Variants in EIPR1 observed in about 807,000 individuals in gnomAD.
EIPR1 encodes the protein EARP complex and GARP complex interacting protein 1.
A neutral mutation model predicts 48.1 loss-of-function variants in EIPR1; 25 were observed. The observed-to-expected ratio is 0.52, with a 90% CI of 0.38 to 0.73. The LOEUF (loss-of-function observed/expected upper bound fraction) is 0.73, where lower values mean the gene tolerates loss of function less well. Ranked by LOEUF, EIPR1 falls within the 30% of genes least tolerant of loss-of-function variation. The pLI is 0.00. For missense variants in EIPR1, 415 were observed against 506.2 expected, an observed-to-expected ratio of 0.82 and a Z score of 1.73; for synonymous variants, 204 against 201.9, an observed-to-expected ratio of 1.01 and a Z score of -0.09.
chr2:3,229,914 A>G (rs1666187421), intron 4 of EIPR1, among the ~76,000 whole-genome samples: 1 of 152,242 alleles, frequency 6.6e-6, no homozygotes, highest in South Asian at 2.1e-4. Context: ...TGTGCTATAG[A>G]TAAATACAAA....
In EIPR1 at chr2:3,355,222, C is replaced by T. The variant is rs145934133; in HGVS notation, c.43-589G>A. ...AGCCTGGCTGATAGGCTGATGCTGA[C>T]GAGAGCTTTGACAGACTCGTGGAGC... On this transcript the variant is annotated intron_variant, in intron 1 of 8. Transcript: ENST00000382125. Among the ~76,000 whole-genome samples the T allele has an allele frequency of 4.2e-4, 64 of 152,304 alleles. 2 individuals are homozygous for T. The East Asian group carries it at 0.01, about 24-fold the overall frequency.
intron 4 of EIPR1, among the ~76,000 whole-genome samples, chr2:3,215,064 C>T (rs1665584767): frequency 1.3e-5 from 2 of 152,216 alleles, no homozygotes; most frequent in African/African-American, 4.8e-5. Context: ...CTGGACTTCC[C>T]GCCCCAGGAA....
intron 4 of EIPR1, among the ~76,000 whole-genome samples, chr2:3,222,072 G>A (rs879943065): frequency 1.1e-4 from 17 of 151,926 alleles, no homozygotes; most frequent in Non-Finnish European, 1.8e-4. Flanking sequence ...ATTCAAAGCC[G>A]AATCAAACAT....
intron 4 of EIPR1, among the ~76,000 whole-genome samples, chr2:3,220,915 A>G (rs1427672867): frequency 6.7e-6 from 1 of 148,788 alleles, no homozygotes; most frequent in African/African-American, 2.5e-5. Context: ...CATGCACACA[A>G]TGGCCATGGT....
chr2:3,301,277 C>A (rs1471701347), intron 3 of EIPR1: 1 of 152,228 alleles, frequency 6.6e-6, no homozygotes, highest in East Asian at 1.9e-4. Flanking sequence ...AACAAACACA[C>A]ATCTTCTTTC....
intron 4 of EIPR1, among the ~76,000 whole-genome samples, chr2:3,252,616 T>C (rs757303974): frequency 2.0e-5 from 3 of 151,806 alleles, no homozygotes; most frequent in Non-Finnish European, 4.4e-5. Flanking sequence ...AACAAAAAAT[T>C]GGGCAAAATG....
chr2:3,249,449 A>ACAATC (rs1666940070), intron 4 of EIPR1, among the ~76,000 whole-genome samples: 1 of 152,220 alleles, frequency 6.6e-6, no homozygotes, highest in Admixed American at 6.5e-5. Context: ...CTAACAGCCT[A>ACAATC]CAATCAGATA....
intron 2 of EIPR1, among the ~76,000 whole-genome samples, chr2:3,342,068 T>A (rs1350505492): frequency 6.6e-6 from 1 of 152,220 alleles, no homozygotes; most frequent in East Asian, 1.9e-4. Context: ...TTTGTTATAA[T>A]ATGTAAATAA....
intron 2 of EIPR1, 112 bp from the exon 3 acceptor site, chr2:3,338,261 CT>C: frequency 7.8e-7 from 1 of 1,276,388 alleles, no homozygotes; most frequent in Non-Finnish European, 1.1e-6. Flanking sequence ...ACAGATACAT[CT>C]TTAGTTAATT....
intron 3 of EIPR1, among the ~76,000 whole-genome samples, chr2:3,269,499 G>A (rs1464982041): frequency 4.5e-5 from 6 of 132,562 alleles, no homozygotes; most frequent in African/African-American, 1.2e-4. Flanking sequence ...CTCAATCATC[G>A]CACTCAATCA....
chr2:3,239,011 G>C (rs1244795374), intron 4 of EIPR1, among the ~76,000 whole-genome samples: 2 of 152,254 alleles, frequency 1.3e-5, no homozygotes, highest in Admixed American at 6.5e-5. Context: ...CCTGGAAGGG[G>C]AGAGCATGTT....
At chr2:3,306,780 G>A (rs976709739) in intron 3 of EIPR1, among the ~76,000 whole-genome samples, 1 of 152,138 alleles carries the variant, frequency 6.6e-6, no homozygotes, top group African/African-American at 2.4e-5. Context: ...TGGTCTTGCT[G>A]CCTCAGGGGC....
chr2:3,282,866 C>G (rs1434906077), intron 3 of EIPR1: 2 of 152,218 alleles, frequency 1.3e-5, no homozygotes, highest in African/African-American at 4.8e-5. Context: ...AATGACTACG[C>G]CACTCTCACC....
Position 3,238,056 on chromosome 2 carries a change from G to A in EIPR1, c.416+19243C>T, listed in dbSNP as rs192976940. ...CCCAAATGCCAACAGCCTCCCTCAC[G>A]AAAACCGTAAAAGCTTCTTGAAAAT... On this transcript the variant is annotated intron_variant, in intron 4 of 8. Coordinates refer to ENST00000382125, the MANE Select transcript of EIPR1 (RefSeq NM_003310.5). Among the ~76,000 whole-genome samples the A allele has an allele frequency of 1.2e-3, 180 of 152,132 alleles. 1 individual carries two copies. The highest frequency in any genetic ancestry group is 2.0e-3 in the Non-Finnish European group (135 of 68,006).
At chr2:3,199,923 G>A (rs541531769) in intron 5 of EIPR1, among the ~76,000 whole-genome samples, 1 of 129,660 alleles carries the variant, frequency 7.7e-6, no homozygotes, top group African/African-American at 2.9e-5. Context: ...GGGCACACAT[G>A]GGGGGGTGTC....
intron 1 of EIPR1, among the ~76,000 whole-genome samples, chr2:3,369,500 A>AC (rs1303287640): frequency 6.6e-6 from 1 of 152,160 alleles, no homozygotes; most frequent in African/African-American, 2.4e-5. Context: ...GGGGTGACAG[A>AC]CAACACCTGG....
At chr2:3,299,801 CAGT>C (rs1668716243) in intron 3 of EIPR1, among the ~76,000 whole-genome samples, 10 of 152,158 alleles carry the variant, frequency 6.6e-5, no homozygotes, top group Admixed American at 5.9e-4. Flanking sequence ...CCTCTCTTGA[CAGT>C]CTGTAGAAAG....
At chr2:3,233,970 T>A (rs1666321543) in intron 4 of EIPR1, among the ~76,000 whole-genome samples, 1 of 152,230 alleles carries the variant, frequency 6.6e-6, no homozygotes, top group Non-Finnish European at 1.5e-5. Flanking sequence ...AGGTCAGGCT[T>A]CTGAGCTACT....
At chr2:3,237,173 T>A (rs574413768) in intron 4 of EIPR1, among the ~76,000 whole-genome samples, 2 of 148,142 alleles carry the variant, frequency 1.4e-5, no homozygotes, top group African/African-American at 5.0e-5. Flanking sequence ...ATCATTAACC[T>A]GAGGAAAGAA....
Sources: allele counts gnomAD v4.1 joint callset (sites outside exome capture counted in the v4.1 genomes callset), GRCh38; gene constraint gnomAD v4.1.1; transcripts MANE v1.5; gene names NCBI Gene and HGNC (gene_info 2026-07-23, HGNC 2026-07-21).